The following DPP6 variants were observed in gnomAD, a reference collection of about 807,000 sequenced individuals.
DPP6 encodes dipeptidyl peptidase like 6.
A neutral mutation model predicts 122.6 loss-of-function variants in DPP6; 69 were observed. The ratio of observed to expected loss-of-function variants is 0.56; its 90% CI spans 0.46 to 0.69. The LOEUF is 0.69. Ranked by LOEUF, DPP6 falls within the 30% of genes least tolerant of loss-of-function variation. The pLI is 0.00. For synonymous variants in DPP6, 418 were observed against 433.1 expected, an observed-to-expected ratio of 0.97 and a Z score of 0.43; for missense variants, 928 against 1,116.9, an observed-to-expected ratio of 0.83 and a Z score of 2.41.
chr7:154,698,784 C>T (rs1315154380), intron 7 of DPP6, among the ~76,000 whole-genome samples: 2 of 152,180 alleles, frequency 1.3e-5, no homozygotes, highest in African/African-American at 4.8e-5. Flanking sequence ...CCTTCACGGT[C>T]CAGCCAGGAG....
intron 16 of DPP6, among the ~76,000 whole-genome samples, chr7:154,823,527 C>T (rs747605010): frequency 2.0e-5 from 3 of 152,126 alleles, no homozygotes; most frequent in East Asian, 1.9e-4. Flanking sequence ...CTGGTGCCTG[C>T]GGATAAAGTT....
chr7:154,335,550 C>T (rs976450993), intron 1 of DPP6, among the ~76,000 whole-genome samples: 1 of 152,162 alleles, frequency 6.6e-6, no homozygotes, highest in African/African-American at 2.4e-5. Flanking sequence ...AGATGTTTCA[C>T]ATGTTAATAA....
chr7:154,298,687 G>C (rs1341258191), intron 1 of DPP6, among the ~76,000 whole-genome samples: 2 of 152,106 alleles, frequency 1.3e-5, no homozygotes, highest in Non-Finnish European at 2.9e-5. Flanking sequence ...AGGGCCTTTG[G>C]GAACTCTGTC....
At chr7:154,640,276 G>T (rs1461684059) in intron 6 of DPP6, among the ~76,000 whole-genome samples, 1 of 133,788 alleles carries the variant, frequency 7.5e-6, no homozygotes, top group South Asian at 2.5e-4. Flanking sequence ...CAACAATTGG[G>T]ATTAATTCAA....
At chr7:154,194,975 T>C (rs1216782750) in intron 1 of DPP6, among the ~76,000 whole-genome samples, 2 of 152,208 alleles carry the variant, frequency 1.3e-5, no homozygotes, top group Non-Finnish European at 2.9e-5. Context: ...CATTAGAAAA[T>C]AAAATTCCTC....
the DPP6 span, among the ~76,000 whole-genome samples, chr7:153,858,085 G>A: frequency 6.6e-6 from 1 of 152,196 alleles, no homozygotes; most frequent in Non-Finnish European, 1.5e-5. Flanking sequence ...AGTTGAGGAA[G>A]CATTCTCTTA....
intron 2 of DPP6, among the ~76,000 whole-genome samples, chr7:154,461,304 T>G (rs1016761525): frequency 4.6e-5 from 7 of 152,222 alleles, no homozygotes; most frequent in African/African-American, 1.7e-4. Context: ...TCTTGGGTAT[T>G]GTAAACAGGT....
intron 1 of DPP6, among the ~76,000 whole-genome samples, chr7:153,960,839 G>A (rs1178945429): frequency 6.6e-6 from 1 of 150,680 alleles, no homozygotes; most frequent in African/African-American, 2.4e-5. Flanking sequence ...CACTGCCTGA[G>A]GACATGAGTA....
At chr7:154,172,053 C>G (rs1020743645) in intron 1 of DPP6, among the ~76,000 whole-genome samples, 3 of 152,126 alleles carry the variant, frequency 2.0e-5, no homozygotes, top group African/African-American at 7.2e-5. Flanking sequence ...CCTTTGACTT[C>G]TGTCTGCTGT....
chr7:154,014,245 T>C (rs1406825261), intron 1 of DPP6, among the ~76,000 whole-genome samples: 1 of 146,868 alleles, frequency 6.8e-6, no homozygotes, highest in Non-Finnish European at 1.5e-5. Flanking sequence ...AATACTTCTC[T>C]CTCCAGTAAA....
chr7:154,578,146 G>A (rs1038234786), intron 5 of DPP6, among the ~76,000 whole-genome samples: 1 of 152,170 alleles, frequency 6.6e-6, no homozygotes, highest in East Asian at 1.9e-4. Flanking sequence ...AAACAGGTTA[G>A]GACATGCTTT....
intron 1 of DPP6, among the ~76,000 whole-genome samples, chr7:154,255,558 G>A (rs1366587879): frequency 6.6e-6 from 1 of 152,002 alleles, no homozygotes; most frequent in African/African-American, 2.4e-5. Context: ...CTTGAACCAG[G>A]CAGACGTGGG....
intron 1 of DPP6, among the ~76,000 whole-genome samples, chr7:154,132,835 C>T (rs945413856): frequency 1.3e-5 from 2 of 151,982 alleles, no homozygotes; most frequent in Admixed American, 6.6e-5. Flanking sequence ...ATATACAGCA[C>T]GTTGTTGTGT....
the DPP6 span, among the ~76,000 whole-genome samples, chr7:153,801,938 G>T: frequency 6.6e-6 from 1 of 152,072 alleles, no homozygotes; most frequent in Non-Finnish European, 1.5e-5. Context: ...ATTCTGCTAG[G>T]AAGTCAGGGC....
At chr7:154,477,592 C>T (rs187727187) in intron 3 of DPP6, among the ~76,000 whole-genome samples, 114 of 151,208 alleles carry the variant, frequency 7.5e-4, no homozygotes, top group East Asian at 2.1e-3. Flanking sequence ...TCTGGAGGAA[C>T]GTGTGCCAGT....
chr7:154,362,161 T>C (rs754437672), intron 1 of DPP6, among the ~76,000 whole-genome samples: 12 of 152,356 alleles, frequency 7.9e-5, no homozygotes, highest in African/African-American at 2.9e-4. Flanking sequence ...TTGTTCACAC[T>C]GGAAGAACTG....
intron 8 of DPP6, among the ~76,000 whole-genome samples, chr7:154,756,720 C>T (rs984123671): frequency 2.6e-5 from 4 of 152,116 alleles, no homozygotes; most frequent in Admixed American, 2.6e-4. Context: ...TAGGATGGTC[C>T]TTGTCCATAT....
the DPP6 span, among the ~76,000 whole-genome samples, chr7:153,843,079 C>T: frequency 7.5e-5 from 11 of 146,836 alleles, no homozygotes; most frequent in East Asian, 2.1e-4. Context: ...TACACACGTG[C>T]GCACACACAC....
chr7:153,760,208 G>T, the DPP6 span, among the ~76,000 whole-genome samples: 1 of 152,120 alleles, frequency 6.6e-6, no homozygotes, highest in Non-Finnish European at 1.5e-5. Context: ...CCCACCCAGT[G>T]TATTTTTTGT....
Sources: allele counts gnomAD v4.1 joint callset (sites outside exome capture counted in the v4.1 genomes callset), GRCh38; gene constraint gnomAD v4.1.1; transcripts MANE v1.5; gene names NCBI Gene and HGNC (gene_info 2026-07-23, HGNC 2026-07-21).